RTTN: variants seen among roughly 807,000 people sequenced by gnomAD.
RTTN encodes rotatin.
A neutral mutation model predicts 269.2 loss-of-function variants in RTTN; 182 were observed. That is an observed-to-expected ratio of 0.68 (90% confidence interval 0.60 to 0.76). The LOEUF is 0.76. Ranked by LOEUF, RTTN falls within the 30% of genes least tolerant of loss-of-function variation. The pLI is 0.00. For synonymous variants in RTTN, 1,006 were observed against 963.5 expected (o/e 1.04, Z -0.82); for missense variants, 2,545 against 2,608.6 (o/e 0.98, Z 0.53).
chr18:70,055,055 T>C (rs748684028), intron 37 of RTTN, among the ~76,000 whole-genome samples: 1 of 152,198 alleles, frequency 6.6e-6, no homozygotes, highest in Non-Finnish European at 1.5e-5. Flanking sequence ...ATTACTATTA[T>C]TAATTATAAA....
intron 11 of RTTN, among the ~76,000 whole-genome samples, chr18:70,174,083 CAG>C (rs1260530913): frequency 1.4e-5 from 2 of 148,098 alleles, no homozygotes; most frequent in Non-Finnish European, 1.5e-5. Context: ...TTTTTAAAGA[CAG>C]ATGCATTCAC....
intron 29 of RTTN, 43 bp downstream of exon 29, chr18:70,092,633 T>G (rs2058881273): frequency 6.3e-7 from 1 of 1,590,704 alleles, no homozygotes. Context: ...CACATTCCCT[T>G]TCAAGCAAAT....
chr18:70,040,479 T>C (rs1389323966), intron 40 of RTTN, among the ~76,000 whole-genome samples: 1 of 152,044 alleles, frequency 6.6e-6, no homozygotes, highest in Non-Finnish European at 1.5e-5. Context: ...ATAAAGCAAA[T>C]ATTAGAACTA....
At chr18:70,061,261 C>T (rs143773317) in intron 35 of RTTN, 1 of 440,754 alleles carries the variant, frequency 2.3e-6, no homozygotes, top group African/African-American at 2.0e-5. Context: ...AATAAGGTAC[C>T]TGCACCCTAC....
intron 25 of RTTN, among the ~76,000 whole-genome samples, chr18:70,126,797 A>T (rs1172344682): frequency 6.6e-6 from 1 of 152,176 alleles, no homozygotes; most frequent in East Asian, 1.9e-4. Context: ...GCCTAATCAG[A>T]TAAACTAATT....
At chr18:70,146,441 T>C (rs915909207) in intron 17 of RTTN, among the ~76,000 whole-genome samples, 1 of 152,126 alleles carries the variant, frequency 6.6e-6, no homozygotes, top group Non-Finnish European at 1.5e-5. Flanking sequence ...CGGCAGATAT[T>C]GAGACAACCA....
In RTTN at chr18:70,140,275, C is replaced by T. The variant is rs189284940; in HGVS notation, c.2582-87G>A. On this transcript the variant is annotated intron_variant, in intron 19 of 48. Transcript: ENST00000640769. ...TTGAAATACTCAGAACTGATATCCA[C>T]ACAACCTTCAAACTATTAAAAATAC... The T allele has an allele frequency of 9.9e-4, 711 of 717,904 alleles. 11 individuals carry two copies. In the East Asian group the frequency reaches 0.016, roughly 16 times the overall value. The allele number at this position is 717,904 out of a possible 1,614,324, so 44.5% of individuals were successfully genotyped here. A position where few individuals can be genotyped will look rare whatever the true frequency, so the allele number is the denominator to read the frequency against.
At position 70,075,537 on chromosome 18, in the gene RTTN, G is replaced by A. The variant is rs1358342185; in HGVS notation, c.4379C>T (p.Pro1460Leu). ...EIIKDYTWQG[P>L]CVHDEDSGLS... ...GCCAGAGTCCTCATCATGAACACAG[G>A]GACCCTGTAGGAAGAGAGGGAAAGA... The change falls in exon 33 of 49, where the codon CCC (proline) becomes CTC (leucine). Residue 1460 changes from proline to leucine, a missense_variant. Physicochemically the swap from Pro to Leu is moderately conservative, Grantham distance 98. Transcript: ENST00000640769. 3 of 1,559,100 alleles carry A rather than the reference G, an allele frequency of 1.9e-6. No individual in the cohort carries two copies. Among genetic ancestry groups the A allele is most frequent in the Non-Finnish European group, 2.6e-6 (3 of 1,161,160 alleles).
chr18:70,142,803 G>A (rs1408976013), intron 18 of RTTN, among the ~76,000 whole-genome samples: 1 of 152,114 alleles, frequency 6.6e-6, no homozygotes, highest in Non-Finnish European at 1.5e-5. Context: ...GGCCAACATG[G>A]TGAAACCCCA....
intron 26 of RTTN, among the ~76,000 whole-genome samples, chr18:70,114,946 C>T (rs1052511748): frequency 1.3e-5 from 2 of 151,854 alleles, no homozygotes; most frequent in African/African-American, 4.8e-5. Context: ...TTCACAAACC[C>T]GTATCAAGTG....
In RTTN at chr18:70,145,773, G is replaced by A. The variant is rs752847761; in HGVS notation, c.2320C>T (p.Leu774=). The A allele has an allele frequency of 5.0e-6, 8 of 1,607,866 alleles. No homozygotes were observed. The highest frequency in any genetic ancestry group is 6.8e-6 in the Non-Finnish European group (8 of 1,178,050). ...LLVKKPSVRS[L]ALKLLAFHLT... Reference sequence around the variant, plus strand: ...TGGAATGCTAAAAGCTTTAATGCTAGCGAACGGACCCTGAGAACACAAAGT... The same window carrying A: ...TGGAATGCTAAAAGCTTTAATGCTAACGAACGGACCCTGAGAACACAAAGT... Residue 774 remains leucine, a synonymous_variant, in exon 18 of 49, where the codon CTA becomes TTA. Transcript: ENST00000640769.
chr18:70,004,276 G>GA (rs1294064496), intron 48 of RTTN, 40 bp from the exon 49 acceptor site: 1 of 1,425,976 alleles, frequency 7.0e-7, no homozygotes, highest in African/African-American at 1.4e-5. Context: ...ACTAGTTTAT[G>GA]AAACTTGGTA....
intron 40 of RTTN, among the ~76,000 whole-genome samples, chr18:70,033,185 C>T (rs111866078): frequency 7.8e-4 from 119 of 152,318 alleles, no homozygotes; most frequent in African/African-American, 2.5e-3. Flanking sequence ...ATGTGAGATG[C>T]CTCGCTCCCC....
At chr18:70,186,281 T>C (rs1446773301) in intron 10 of RTTN, among the ~76,000 whole-genome samples, 1 of 152,222 alleles carries the variant, frequency 6.6e-6, no homozygotes, top group East Asian at 1.9e-4. Context: ...TTCACTTAAC[T>C]TGGTCAACAG....
chr18:70,030,104 G>C lies in RTTN; in HGVS notation c.5653C>G (p.Leu1885Val). The change falls in exon 42 of 49, where the codon CTT becomes GTT. Residue 1885 changes from leucine to valine, a missense_variant. Leu to Val is a conservative substitution (Grantham distance 32). Coordinates refer to ENST00000640769, the MANE Select transcript of RTTN (RefSeq NM_173630.4). ...RAQKHALKAN[L>V]IDNCMEQMKH... ...ATCTGCTCCATGCAATTGTCTATAA[G>C]ATTGGCTGAAAGACAAAATCTGCAG... 1 of 1,610,208 alleles carries C rather than the reference G, an allele frequency of 6.2e-7. No homozygotes were observed. Among genetic ancestry groups the C allele is most frequent in the Non-Finnish European group, 8.5e-7 (1 of 1,178,212 alleles).
chr18:70,184,551 T>C (rs897040883), intron 10 of RTTN, among the ~76,000 whole-genome samples: 3 of 151,272 alleles, frequency 2.0e-5, no homozygotes, highest in Non-Finnish European at 2.9e-5. Flanking sequence ...GATTCCATGT[T>C]AAAAAAAATA....
chr18:70,190,388 C>T, intron 9 of RTTN, 150 bp downstream of exon 9: 1 of 502,272 alleles, frequency 2.0e-6, no homozygotes, highest in Non-Finnish European at 3.4e-6. Flanking sequence ...ATAATAAAGA[C>T]CTTATTAGGT....
chr18:70,024,667 T>C (rs554211447), intron 44 of RTTN, 55 bp downstream of exon 44: 2 of 1,475,098 alleles, frequency 1.4e-6, no homozygotes, highest in African/African-American at 1.4e-5. Context: ...CTTAACAACA[T>C]TTATAAAACT....
At chr18:70,197,853 C>T in intron 5 of RTTN, 115 bp from the exon 6 acceptor site, 3 of 668,912 alleles carry the variant, frequency 4.5e-6, no homozygotes, top group Non-Finnish European at 2.6e-6. Context: ...TGAGATATCA[C>T]TTCTCCAGAA....
Sources: allele counts gnomAD v4.1 joint callset (sites outside exome capture counted in the v4.1 genomes callset), GRCh38; gene constraint gnomAD v4.1.1; transcripts MANE v1.5; gene names NCBI Gene and HGNC (gene_info 2026-07-23, HGNC 2026-07-21).